MMP28: variants seen among roughly 807,000 people sequenced by gnomAD.
The protein encoded by MMP28 is matrix metallopeptidase 28, also known as matrix metalloproteinase-28.
A neutral mutation model predicts 60.5 loss-of-function variants in MMP28; 55 were observed. The ratio of observed to expected loss-of-function variants is 0.91; its 90% CI spans 0.73 to 1.14. The LOEUF (loss-of-function observed/expected upper bound fraction) is 1.14. Among genes scored for constraint, MMP28 ranks in the 50% most tolerant of loss-of-function variants. The probability of loss-of-function intolerance (pLI) is 0.00; values close to 1 mark genes in which losing one functional copy is unlikely to be tolerated. For missense variants in MMP28, 686 were observed against 738.3 expected (o/e 0.93, Z 0.82); for synonymous variants, 318 against 312.5 (o/e 1.02, Z -0.18).
At chr17:35,773,490 G>T in intron 3 of MMP28, 86 bp from the exon 4 acceptor site, 1 of 1,208,442 alleles carries the variant, frequency 8.3e-7, no homozygotes, top group Non-Finnish European at 1.2e-6. Flanking sequence ...GCGAGGGGTA[G>T]GCCCTCCCCC....
chr17:35,788,383 T>A (rs1398848639), intron 1 of MMP28, among the ~76,000 whole-genome samples: 3 of 152,074 alleles, frequency 2.0e-5, no homozygotes, highest in African/African-American at 7.2e-5. Context: ...TGATCAAGGG[T>A]GGGTTTAGGG....
chr17:35,763,897 A>AAATAAAT, downstream of MMP28: 2 of 653,688 alleles, frequency 3.1e-6, no homozygotes, highest in Non-Finnish European at 4.2e-6. Context: ...ACCCTGTCTC[A>AAATAAAT]AAATAAATAA....
intron 1 of MMP28, among the ~76,000 whole-genome samples, chr17:35,789,627 G>A (rs528015765): frequency 6.6e-6 from 1 of 152,098 alleles, no homozygotes; most frequent in East Asian, 1.9e-4. Flanking sequence ...TTGCTCTGAT[G>A]ATTTCTGAAT....
At chr17:35,788,301 A>G (rs545395202) in intron 1 of MMP28, among the ~76,000 whole-genome samples, 1 of 152,176 alleles carries the variant, frequency 6.6e-6, no homozygotes, top group Non-Finnish European at 1.5e-5. Flanking sequence ...CTAATGCCAA[A>G]TAACTATACC....
Position 35,770,101 on chromosome 17 carries a change from G to T in MMP28, c.816C>A (p.Ser272Arg). The change falls in exon 5 of 8, where the codon AGC becomes AGA. Residue 272 changes from serine (S) to arginine (R), a missense_variant. Physicochemically the swap from Ser to Arg is moderately radical, Grantham distance 110. Transcript: ENST00000605424. Reference protein sequence around the residue: ...YKRLGRDALLSWDDVLAVQSL... With the variant: ...YKRLGRDALLRWDDVLAVQSL... ...TCTGCACGGCCAGCACGTCGTCCCA[G>T]CTGAGCAGCGCGTCGCGGCCCAGCC... The T allele has an allele frequency of 6.2e-7, 1 of 1,601,216 alleles. No individual in the cohort carries two copies. Among genetic ancestry groups the T allele is most frequent in the Non-Finnish European group, 8.5e-7 (1 of 1,174,732 alleles).
In MMP28 at chr17:35,766,648, C is replaced by T. The variant is rs777969136; in HGVS notation, c.1415G>A (p.Arg472Lys). The change falls in exon 8 of 8, where the codon AGG (arginine) becomes AAG (lysine). Residue 472 changes from arginine (R) to lysine (K), a missense_variant. Arg to Lys is a conservative substitution (Grantham distance 26). Transcript: ENST00000605424. This position sits in a 1 kb window ranked among gnomAD's most constrained non-coding sequence, Gnocchi z 4.3. ...GAAGAAGATGATGGAGCCATCGGGC[C>T]TCGGCAGGGCGCCGCTGACCTCCTC... Reference protein sequence around the residue: ...IPEEVSGALPRPDGSIIFFRD... With the variant: ...IPEEVSGALPKPDGSIIFFRD... 2 of 1,611,894 alleles carry T rather than the reference C, an allele frequency of 1.2e-6. No individual in the cohort carries two copies. Among genetic ancestry groups the T allele is most frequent in the South Asian group, 2.2e-5 (2 of 90,982 alleles).
chr17:35,764,428 A>G (rs782652981), downstream of MMP28: 14 of 1,536,968 alleles, frequency 9.1e-6, no homozygotes, highest in South Asian at 1.7e-4. Flanking sequence ...GCCGGCAGGA[A>G]GCGGAGCCTC....
At chr17:35,779,943 G>C (rs1217788322) in intron 1 of MMP28, among the ~76,000 whole-genome samples, 1 of 152,032 alleles carries the variant, frequency 6.6e-6, no homozygotes, top group Admixed American at 6.6e-5. Context: ...AATATCTTTT[G>C]GTATTGATTA....
Position 35,790,128 on chromosome 17 carries a change from G to A in MMP28, c.111+5139C>T, listed in dbSNP as rs530594772. Among the ~76,000 whole-genome samples the A allele has an allele frequency of 2.8e-3, 385 of 139,408 alleles. 1 individual carries two copies. Among genetic ancestry groups the A allele is most frequent in the Non-Finnish European group, 4.3e-3 (286 of 66,388 alleles). The allele number at this position is 139,408 out of a possible 152,430, so 91.5% of individuals were successfully genotyped here. ...GTTGCCCAGGCTGAAGTGCAACTGC[G>A]TGATCTCGGCTCACTGCAACCTCCG... On this transcript the variant is annotated intron_variant, in intron 1 of 7. Coordinates refer to ENST00000605424, the MANE Select transcript of MMP28 (RefSeq NM_024302.5).
chr17:35,761,017 A>AT (rs79845981), downstream of MMP28: 40,793 of 1,540,246 alleles, frequency 0.026, 839 homozygotes, highest in East Asian at 0.13. Context: ...AGCTTGGACA[A>AT]TCCAGCCCAT....
In MMP28 at chr17:35,768,363, G is replaced by C; in HGVS notation, c.867C>G (p.Gly289=). 1 of 1,610,570 alleles carries C rather than the reference G, an allele frequency of 6.2e-7. No homozygotes were observed. Among genetic ancestry groups the C allele is most frequent in the Non-Finnish European group, 8.5e-7 (1 of 1,178,616 alleles). The change falls in exon 6 of 8, where the codon GGC becomes GGG. Residue 289 remains glycine (G), a synonymous_variant. Transcript: ENST00000605424. ...TTCCTGGGAGCTGGACGGCCACTGA[G>C]CCCCCTAGGGGCTTCCCTTTGTGAG... ...VQSLYGKPLG[G]SVAVQLPGKL...
rs1292099233 is a variant in MMP28 at position 35,795,440 on chromosome 17, C to G, written c.-63G>C. The G allele has an allele frequency of 8.1e-7, 1 of 1,240,052 alleles. No individual in the cohort carries two copies. Among genetic ancestry groups the G allele is most frequent in the Non-Finnish European group, 1.0e-6 (1 of 958,292 alleles). 76.8% of individuals were successfully genotyped at this position (1,240,052 alleles called of 1,614,324 possible). A position where few individuals can be genotyped will look rare whatever the true frequency, so the allele number is the denominator to read the frequency against. ...TGCGCGCAGGGAACCAGCCGGCAGT[C>G]AGCCGCGCCCGGGACCCCGGGGATG... On this transcript the variant is annotated 5_prime_UTR_variant, in exon 1 of 8. Coordinates refer to ENST00000605424, the MANE Select transcript of MMP28 (RefSeq NM_024302.5).
At chr17:35,761,213 C>T (rs1428246133), downstream of MMP28, among the ~76,000 whole-genome samples, 7 of 150,158 alleles carry the variant, frequency 4.7e-5, no homozygotes, top group South Asian at 2.1e-4. Context: ...AAGTGATTCT[C>T]GTTCCTCAGC....
Position 35,784,558 on chromosome 17 carries a change from T to C in MMP28, c.112-5235A>G, listed in dbSNP as rs1040838342. Among the ~76,000 whole-genome samples, 6 of 152,014 alleles carry C rather than the reference T, an allele frequency of 3.9e-5. No homozygotes were observed. The East Asian group carries it at 9.7e-4, about 24-fold the overall frequency. On this transcript the variant is annotated intron_variant, in intron 1 of 7. Coordinates refer to ENST00000605424, the MANE Select transcript of MMP28 (RefSeq NM_024302.5). ...AGGCATTTTTCATGCCTCAGTTTCC[T>C]CCTGCAAAGGTAAGAGAAATGGTCT...
chr17:35,764,709 G>C (rs1445156255), downstream of MMP28: 7 of 1,379,542 alleles, frequency 5.1e-6, 1 homozygote, highest in South Asian at 4.3e-5. Context: ...AGCCCTCTTC[G>C]ACGCATTCCG....
intron 4 of MMP28, among the ~76,000 whole-genome samples, chr17:35,770,989 G>A (rs140249284): frequency 1.3e-5 from 2 of 152,240 alleles, no homozygotes; most frequent in East Asian, 3.9e-4. Context: ...GGAGGTCAAG[G>A]CTGCGGTGAG....
At chr17:35,771,301 G>A (rs1037917048) in intron 4 of MMP28, among the ~76,000 whole-genome samples, 2 of 151,596 alleles carry the variant, frequency 1.3e-5, no homozygotes, top group African/African-American at 4.9e-5. Context: ...CGTGGTGGCG[G>A]GTGTCTGTAG....
At chr17:35,771,832 T>G (rs902700286) in intron 4 of MMP28, among the ~76,000 whole-genome samples, 61 of 145,710 alleles carry the variant, frequency 4.2e-4, no homozygotes, top group African/African-American at 1.4e-3. Context: ...TGAGCAGAGG[T>G]AGTTGGGCTG....
chr17:35,781,087 C>T (rs2086486726), intron 1 of MMP28, among the ~76,000 whole-genome samples: 1 of 152,128 alleles, frequency 6.6e-6, no homozygotes, highest in African/African-American at 2.4e-5. Flanking sequence ...ATGACAGTGA[C>T]ATGTTTAAGG....
Sources: gnomAD v4.1 joint callset for allele counts (sites outside exome capture counted in the v4.1 genomes callset) on GRCh38, gnomAD v4.1.1 for gene constraint, Gnocchi (gnomAD v3.1) non-coding constraint, MANE v1.5 for transcripts, NCBI Gene and HGNC (gene_info 2026-07-23, HGNC 2026-07-21) for gene names.